TECPR1: variants seen among roughly 807,000 people sequenced by gnomAD.
TECPR1 encodes tectonin beta-propeller repeat containing 1, also known as tectonin beta-propeller repeat-containing protein 1.
Under a neutral mutation model 162.4 loss-of-function variants are expected in TECPR1, and 122 were observed. The observed-to-expected ratio is 0.75, with a 90% CI of 0.65 to 0.87. The LOEUF (loss-of-function observed/expected upper bound fraction) is 0.87, where lower values mean the gene tolerates loss of function less well. Ranked by LOEUF, TECPR1 falls within the 40% of genes least tolerant of loss-of-function variation. The pLI, the probability that TECPR1 is intolerant of heterozygous loss-of-function variation, is 0.00. For missense variants in TECPR1, 1,432 were observed against 1,618.2 expected, an observed-to-expected ratio of 0.88 and a Z score of 1.97; for synonymous variants, 642 against 670.6, an observed-to-expected ratio of 0.96 and a Z score of 0.66.
At chr7:98,234,883 T>TA in intron 10 of TECPR1, among the ~76,000 whole-genome samples, 1 of 152,010 alleles carries the variant, frequency 6.6e-6, no homozygotes, top group Admixed American at 6.6e-5. Context: ...GATAATTTTT[T>TA]AAAAAATTCT....
Position 98,251,510 on chromosome 7 carries a change from T to A in TECPR1, c.-136A>T, listed in dbSNP as rs929497626. ...ATGCCTACTACAGTAGCTCGCTGGC[T>A]GCCAGGTGCAGGGGCTGTTCAAAAG... On this transcript the variant is annotated 5_prime_UTR_variant, in exon 2 of 26. Coordinates refer to ENST00000447648, the MANE Select transcript of TECPR1 (RefSeq NM_015395.3). 5.2e-5 allele frequency: 8 copies of A among 152,382 alleles called. No individual in the cohort carries two copies. Among genetic ancestry groups the A allele is most frequent in the Admixed American group, 2.6e-4 (4 of 15,286 alleles). 9.4% of individuals were successfully genotyped at this position (152,382 alleles called of 1,614,324 possible).
At chr7:98,233,282 C>G in intron 11 of TECPR1, 139 bp downstream of exon 11, 1 of 1,201,248 alleles carries the variant, frequency 8.3e-7, no homozygotes. Flanking sequence ...ATGCCTGGCT[C>G]AGAGCTGCTG....
chr7:98,225,272 C>T (rs1271575371), intron 17 of TECPR1, among the ~76,000 whole-genome samples, 170 bp from the exon 18 acceptor site: 1 of 152,244 alleles, frequency 6.6e-6, no homozygotes, highest in Admixed American at 6.5e-5. Context: ...CAGTGGCTGA[C>T]GCCTGTAATC....
At chr7:98,229,767 G>A (rs538299017) in intron 15 of TECPR1, among the ~76,000 whole-genome samples, 190 of 152,280 alleles carry the variant, frequency 1.2e-3, no homozygotes, top group African/African-American at 3.4e-3. Flanking sequence ...TCCTCTGACA[G>A]GATATTGCTG....
At position 98,252,126 on chromosome 7, in the gene TECPR1, C is replaced by G. The variant is rs1405319947; in HGVS notation, c.-175G>C. 6.6e-6 allele frequency: 1 copy of G among 152,546 alleles called. No homozygotes were observed. The highest frequency in any genetic ancestry group is 1.5e-5 in the Non-Finnish European group (1 of 68,306). 9.4% of individuals were successfully genotyped at this position (152,546 alleles called of 1,614,324 possible). ...AGCTGGGGCGCCACTCTGCACTCACCTGGGCCCGCGCCGGGCGGGGCGAAG... is the reference window on the plus strand; with the variant it reads ...AGCTGGGGCGCCACTCTGCACTCACGTGGGCCCGCGCCGGGCGGGGCGAAG... On this transcript the variant is annotated splice_region_variant and 5_prime_UTR_variant, in exon 1 of 26. Coordinates refer to ENST00000447648, the MANE Select transcript of TECPR1 (RefSeq NM_015395.3).
At chr7:98,229,202 A>C in intron 15 of TECPR1, 36 bp from the exon 16 acceptor site, 1 of 1,540,940 alleles carries the variant, frequency 6.5e-7, no homozygotes, top group East Asian at 2.5e-5. Context: ...GAAACCCCTC[A>C]GACCCCACCT....
chr7:98,220,128 G>A (rs1401307663), intron 23 of TECPR1, among the ~76,000 whole-genome samples: 3 of 151,802 alleles, frequency 2.0e-5, no homozygotes, highest in African/African-American at 7.3e-5. Flanking sequence ...GATCACCTGA[G>A]GTCAGGAGTT....
chr7:98,239,979 G>A (rs1420823920), intron 8 of TECPR1, among the ~76,000 whole-genome samples: 3 of 152,100 alleles, frequency 2.0e-5, no homozygotes, highest in East Asian at 1.9e-4. Context: ...GCGTGGTGGC[G>A]GGCGCCTGTA....
intron 6 of TECPR1, among the ~76,000 whole-genome samples, chr7:98,243,041 C>CACTCACCCACCCACCCACTCACCCAT (rs1562944012): frequency 4.5e-5 from 1 of 22,048 alleles, no homozygotes; most frequent in Non-Finnish European, 1.7e-4. Context: ...CATCCTTCTG[C>CACTCACCCACCCACCCACTCACCCAT]CCACACACCC....
chr7:98,242,881 T>C (rs1039711337), intron 6 of TECPR1, among the ~76,000 whole-genome samples: 1 of 34,052 alleles, frequency 2.9e-5, no homozygotes, highest in African/African-American at 8.2e-5. Context: ...CCTATCCATC[T>C]ACCCATACAC....
rs1798029150 is a variant in TECPR1, at chr7:98,217,074, G to C, written c.*316C>G. On this transcript the variant is annotated 3_prime_UTR_variant, in exon 26 of 26. Transcript: ENST00000447648. ...GTTCCCGGAGGGCTCCAGGTTCCCGGTTCTAGTCCTGGAAAGGCAGAAGGG... is the reference window on the plus strand; with the variant it reads ...GTTCCCGGAGGGCTCCAGGTTCCCGCTTCTAGTCCTGGAAAGGCAGAAGGG... The C allele has an allele frequency of 1.1e-5, 3 of 277,604 alleles. No homozygotes were observed. The highest frequency in any genetic ancestry group is 2.0e-5 in the Non-Finnish European group (3 of 148,902). The allele number at this position is 277,604 out of a possible 1,614,324, so 17.2% of individuals were successfully genotyped here.
At position 98,245,073 on chromosome 7, in the gene TECPR1, G is replaced by GTGTCCA. The variant is rs1306884488; in HGVS notation, c.226-7_226-6insTGGACA. The stretch of plus-strand genomic sequence containing the variant: ...CCGCCCATGGGATTCCAGCGCTGAG[G>GTGTCCA]GCCGGGGACACAGAGGCGGCCTTGG... On this transcript the variant is annotated splice_polypyrimidine_tract_variant and splice_region_variant and intron_variant, in intron 3 of 25. Coordinates refer to ENST00000447648, the MANE Select transcript of TECPR1 (RefSeq NM_015395.3). 4 of 1,573,104 alleles carry GTGTCCA rather than the reference G, an allele frequency of 2.5e-6. No homozygotes were observed. The highest frequency in any genetic ancestry group is 3.4e-6 in the Non-Finnish European group (4 of 1,160,314).
chr7:98,244,916 T>C lies in TECPR1; in HGVS notation c.377A>G (p.Glu126Gly), dbSNP rs145575482. 1.2e-6 allele frequency: 2 copies of C among 1,612,992 alleles called. No homozygotes were observed. The highest frequency in any genetic ancestry group is 4.5e-5 in the East Asian group (2 of 44,862). ...WEWESDWYVD[E>G]NFGGEPTEKG... Reference sequence around the variant, plus strand: ...CTCAGTGGGTTCACCTCCAAAATTCTCATCCACGTACCAGTCAGACTCCCA... The same window carrying C: ...CTCAGTGGGTTCACCTCCAAAATTCCCATCCACGTACCAGTCAGACTCCCA... The change falls in exon 4 of 26, where the codon GAG (glutamate) becomes GGG (glycine). Residue 126 changes from glutamate (E) to glycine (G), a missense_variant. By Grantham distance (98) the Glu-to-Gly change is moderately conservative. Transcript: ENST00000447648.
chr7:98,229,713 G>T (rs1798371557), intron 15 of TECPR1, among the ~76,000 whole-genome samples: 1 of 152,180 alleles, frequency 6.6e-6, no homozygotes, highest in Middle Eastern at 3.2e-3. Context: ...AGCCTCCTGC[G>T]GCCGAGGCCC....
At chr7:98,225,647 G>A (rs1333075172) in intron 17 of TECPR1, among the ~76,000 whole-genome samples, 2 of 151,746 alleles carry the variant, frequency 1.3e-5, no homozygotes, top group African/African-American at 2.4e-5. Context: ...TTGCTCACTC[G>A]TTCTCTTTTC....
intron 21 of TECPR1, 115 bp from the exon 22 acceptor site, chr7:98,222,636 A>G: frequency 7.7e-7 from 1 of 1,301,728 alleles, no homozygotes; most frequent in South Asian, 1.4e-5. Flanking sequence ...GCTGGGGGAC[A>G]GCCGGGAGTC....
chr7:98,218,860 T>C (rs1445187581), intron 23 of TECPR1, among the ~76,000 whole-genome samples: 1 of 152,124 alleles, frequency 6.6e-6, no homozygotes, highest in East Asian at 1.9e-4. Flanking sequence ...AATACTGTCA[T>C]CATTTTTTAC....
Position 98,217,758 on chromosome 7 carries a change from T to C in TECPR1, c.3318A>G (p.Thr1106=). 16 of 1,550,920 alleles carry C rather than the reference T, an allele frequency of 1.0e-5. No individual in the cohort carries two copies. The highest frequency in any genetic ancestry group is 1.4e-5 in the African/African-American group (1 of 73,192). Residue 1106 remains threonine (T), a synonymous_variant, in exon 25 of 26, where the codon ACA becomes ACG. Coordinates refer to ENST00000447648, the MANE Select transcript of TECPR1 (RefSeq NM_015395.3). ...GCTGCACGCCGGTGCGATGACACAC[T>C]GTCCCCCGGCTCAGGCTGTGGCTGC... ...VQGSHSLSRG[T]VCHRTGVQPH...
At chr7:98,223,307 T>TCCCCAC in intron 20 of TECPR1, 137 bp from the exon 21 acceptor site, 3 of 782,474 alleles carry the variant, frequency 3.8e-6, no homozygotes, top group Middle Eastern at 3.9e-4. Context: ...GGTGGCCTCC[T>TCCCCAC]CCCCACCCCC....
Sources: allele counts gnomAD v4.1 joint callset (sites outside exome capture counted in the v4.1 genomes callset), GRCh38; gene constraint gnomAD v4.1.1; transcripts MANE v1.5; gene names NCBI Gene and HGNC (gene_info 2026-07-23, HGNC 2026-07-21).